Variants in AKR1C3 observed in about 807,000 individuals in gnomAD.
The protein encoded by AKR1C3 is 3-alpha hydroxysteroid dehydrogenase, type II.
AKR1C3 carries 48 observed loss-of-function variants against 43.6 expected under a neutral mutation model. The ratio of observed to expected loss-of-function variants is 1.10; its 90% CI spans 0.87 to 1.40. AKR1C3 has a LOEUF of 1.40. Ranked by LOEUF, AKR1C3 falls within the 40% of genes most tolerant of loss-of-function variation. The probability of loss-of-function intolerance (pLI) is 0.00; values close to 1 mark genes in which losing one functional copy is unlikely to be tolerated. For synonymous variants in AKR1C3, 162 were observed against 139.6 expected (o/e 1.16, Z -1.13); for missense variants, 482 against 391.2 (o/e 1.23, Z -1.96).
intron 1 of AKR1C3, among the ~76,000 whole-genome samples, chr10:5,087,839 A>G (rs1588348900): frequency 6.6e-6 from 1 of 151,270 alleles, no homozygotes; most frequent in Non-Finnish European, 1.5e-5. Context: ...TTATGGTGTG[A>G]CCATTCTTAT....
At chr10:5,093,325 T>C (rs1839136297), upstream of AKR1C3, 3 of 152,126 alleles carry the variant, frequency 2.0e-5, no homozygotes, top group Admixed American at 2.0e-4. Flanking sequence ...GTAAAAGCTT[T>C]CAATGATTTT....
intron 7 of AKR1C3, among the ~76,000 whole-genome samples, chr10:5,104,853 T>C (rs1311905242): frequency 6.6e-6 from 1 of 152,188 alleles, no homozygotes; most frequent in Non-Finnish European, 1.5e-5. Flanking sequence ...CTTTTTGTTT[T>C]GTGGATTTTC....
At chr10:5,080,074 C>T (rs1266387570) in intron 1 of AKR1C3, among the ~76,000 whole-genome samples, 4 of 152,148 alleles carry the variant, frequency 2.6e-5, no homozygotes, top group Non-Finnish European at 4.4e-5. Context: ...ATTTACATAA[C>T]TGAGGTCCAT....
chr10:5,090,195 T>A (rs1291898625), upstream of AKR1C3, among the ~76,000 whole-genome samples: 2 of 152,116 alleles, frequency 1.3e-5, no homozygotes, highest in South Asian at 4.1e-4. Flanking sequence ...CTATTCAGTG[T>A]GTGACAGAGA....
chr10:5,089,048 C>T (rs1554783682), intron 1 of AKR1C3, among the ~76,000 whole-genome samples: 1 of 151,818 alleles, frequency 6.6e-6, no homozygotes, highest in East Asian at 1.9e-4. Context: ...CCATTTTTTT[C>T]TATAAAAAGG....
At chr10:5,054,606 T>A (rs1435145939) in intron 1 of AKR1C3, among the ~76,000 whole-genome samples, 1 of 152,234 alleles carries the variant, frequency 6.6e-6, no homozygotes, top group Non-Finnish European at 1.5e-5. Context: ...TTTTTTTCTT[T>A]ACTACTTCCA....
intron 4 of AKR1C3, among the ~76,000 whole-genome samples, 199 bp from the exon 5 acceptor site, chr10:5,099,128 G>A (rs1554785595): frequency 6.6e-6 from 1 of 152,124 alleles, no homozygotes; most frequent in Non-Finnish European, 1.5e-5. Flanking sequence ...GTTTCCTAAG[G>A]AAGAGATAGA....
intron 1 of AKR1C3, among the ~76,000 whole-genome samples, chr10:5,067,837 TAATA>T (rs1838540782): frequency 6.6e-6 from 1 of 152,170 alleles, no homozygotes; most frequent in African/African-American, 2.4e-5. Flanking sequence ...GAACTTTTAA[TAATA>T]AATGCTTTAA....
chr10:5,072,909 C>T (rs1838642093), intron 1 of AKR1C3, among the ~76,000 whole-genome samples: 1 of 152,116 alleles, frequency 6.6e-6, no homozygotes, highest in Non-Finnish European at 1.5e-5. Context: ...ATCTCTTTAG[C>T]ATGTTACCTG....
At chr10:5,097,908 G>A in intron 3 of AKR1C3, 1 of 1,072,560 alleles carries the variant, frequency 9.3e-7, no homozygotes, top group Non-Finnish European at 1.1e-6. Context: ...TGCTGCACAT[G>A]TGATGCACAA....
chr10:5,098,697 C>G lies in AKR1C3; in HGVS notation c.370-105C>G, dbSNP rs1554785515. 4.0e-5 allele frequency: 34 copies of G among 845,112 alleles called. No individual in the cohort carries two copies. In the South Asian group the frequency reaches 4.9e-4, roughly 12 times the overall value. The allele number at this position is 845,112 out of a possible 1,614,324, so 52.4% of individuals were successfully genotyped here. The stretch of plus-strand genomic sequence containing the variant: ...ACATATCACTTTCTGGAGCATTGTA[C>G]CACCTGTCTCATGGAGGATTAGTGT... On this transcript the variant is annotated intron_variant, in intron 3 of 8. Coordinates refer to ENST00000380554, the MANE Select transcript of AKR1C3 (RefSeq NM_003739.6).
upstream of AKR1C3, among the ~76,000 whole-genome samples, chr10:5,089,597 G>T (rs368140601): frequency 1.6e-4 from 24 of 151,802 alleles, no homozygotes; most frequent in African/African-American, 5.1e-4. Context: ...CAAATTTTTG[G>T]TTTTTTCCCA....
chr10:5,078,078 A>G (rs1838752749), intron 1 of AKR1C3: 3 of 616,766 alleles, frequency 4.9e-6, no homozygotes, highest in Non-Finnish European at 5.7e-6. Flanking sequence ...ACAGAAAGCT[A>G]TAAAAGGAAT....
intron 1 of AKR1C3, among the ~76,000 whole-genome samples, chr10:5,068,232 A>C (rs72772190): frequency 6.6e-6 from 1 of 152,062 alleles, no homozygotes; most frequent in African/African-American, 2.4e-5. Context: ...ATTCCATATA[A>C]TCTTAGAACA....
intron 8 of AKR1C3, among the ~76,000 whole-genome samples, chr10:5,106,753 C>CAAAAAAAAA: frequency 7.3e-6 from 1 of 136,170 alleles, no homozygotes; most frequent in South Asian, 2.3e-4. Context: ...GGCTCCATCT[C>CAAAAAAAAA]AAAAAAAAAA....
rs1282324651 is a variant in AKR1C3, at chr10:5,056,403, G to A, written c.84+7508G>A. Among the ~76,000 whole-genome samples the A allele has an allele frequency of 5.9e-5, 9 of 152,246 alleles. No individual in the cohort carries two copies. The South Asian group carries it at 8.3e-4, about 14-fold the overall frequency. On this transcript the variant is annotated intron_variant, in intron 1 of 8. Coordinates refer to the AKR1C3 transcript ENST00000439082. ...GGATTGGGTACAACTGGATATAGAG[G>A]AATTACTGCCTCATTGATGTGTCTA...
intron 1 of AKR1C3, among the ~76,000 whole-genome samples, chr10:5,079,553 C>A (rs12570303): frequency 0.32 from 47,241 of 149,118 alleles, 7,735 homozygotes; most frequent in Middle Eastern, 0.46. Flanking sequence ...GAAAAACAGA[C>A]TGAGATCCTA....
chr10:5,100,677 G>C lies in AKR1C3; in HGVS notation c.570+1228G>C, dbSNP rs191158678. 2.2e-3 allele frequency among the ~76,000 whole-genome samples: 328 copies of C among 152,240 alleles called. 1 individual carries two copies. Among genetic ancestry groups the C allele is most frequent in the Non-Finnish European group, 4.0e-3 (270 of 68,026 alleles). On this transcript the variant is annotated intron_variant, in intron 5 of 8. Coordinates refer to ENST00000380554, the MANE Select transcript of AKR1C3 (RefSeq NM_003739.6). ...TAAAGATCTACCATTGAAATGTGAA[G>C]TGTATAAAATTTGTGAATTTGGCCT...
At chr10:5,093,061 T>C (rs1839130508), upstream of AKR1C3, among the ~76,000 whole-genome samples, 1 of 152,072 alleles carries the variant, frequency 6.6e-6, no homozygotes, top group African/African-American at 2.4e-5. Context: ...TGCCCATTAG[T>C]AGTTCCCCCA....
Sources: gnomAD v4.1 joint callset for allele counts (sites outside exome capture counted in the v4.1 genomes callset) on GRCh38, gnomAD v4.1.1 for gene constraint, MANE v1.5 for transcripts, NCBI Gene and HGNC (gene_info 2026-07-23, HGNC 2026-07-21) for gene names.